Variants in LHFPL3 observed in about 807,000 individuals in gnomAD.
LHFPL3 encodes LHFPL tetraspan subfamily member 3, also known as LHFPL tetraspan subfamily member 3 protein.
LHFPL3 carries 5 observed loss-of-function variants against 19.3 expected under a neutral mutation model. The observed-to-expected ratio is 0.26, with a 90% confidence interval of 0.14 to 0.54. The LOEUF (loss-of-function observed/expected upper bound fraction) is 0.54. Among genes scored for constraint, LHFPL3 ranks in the 20% least tolerant of loss-of-function variants. The pLI, the probability that LHFPL3 is intolerant of heterozygous loss-of-function variation, is 0.94. For missense variants in LHFPL3, 249 were observed against 307.4 expected (o/e 0.81, Z 1.42); for synonymous variants, 133 against 126.2 (o/e 1.05, Z -0.36).
intron 2 of LHFPL3, among the ~76,000 whole-genome samples, chr7:104,765,726 C>G (rs568521982): frequency 6.6e-6 from 1 of 152,354 alleles, no homozygotes; most frequent in Non-Finnish European, 1.5e-5. Flanking sequence ...GACCTTGTAG[C>G]AGCAGAGCAG....
At chr7:104,518,263 CTT>C (rs1485119889) in intron 1 of LHFPL3, among the ~76,000 whole-genome samples, 1 of 152,008 alleles carries the variant, frequency 6.6e-6, no homozygotes, top group African/African-American at 2.4e-5. Flanking sequence ...AAATTTTAAA[CTT>C]TTTGCAGCCT....
intron 1 of LHFPL3, among the ~76,000 whole-genome samples, chr7:104,430,388 A>ATATACACATG (rs1791944737): frequency 8.0e-5 from 4 of 50,048 alleles, no homozygotes; most frequent in African/African-American, 2.1e-4. Flanking sequence ...ATATACATAT[A>ATATACACATG]TATATATATA....
At chr7:104,424,617 G>A (rs563401687) in intron 1 of LHFPL3, among the ~76,000 whole-genome samples, 1 of 152,296 alleles carries the variant, frequency 6.6e-6, no homozygotes, top group Non-Finnish European at 1.5e-5. Flanking sequence ...AACTGGTTGG[G>A]GGAAAGGCTA....
At chr7:104,737,894 C>T (rs568351479) in intron 2 of LHFPL3, among the ~76,000 whole-genome samples, 1 of 152,206 alleles carries the variant, frequency 6.6e-6, no homozygotes, top group East Asian at 1.9e-4. Flanking sequence ...ACTGCTTCAA[C>T]GGGACTCAAA....
At chr7:104,839,993 A>G (rs141861714) in intron 2 of LHFPL3, among the ~76,000 whole-genome samples, 119 of 151,748 alleles carry the variant, frequency 7.8e-4, no homozygotes, top group African/African-American at 2.7e-3. Flanking sequence ...GATAATTAAT[A>G]TTATTAATTG....
chr7:104,878,304 C>G (rs754739203), intron 2 of LHFPL3, among the ~76,000 whole-genome samples: 4 of 151,954 alleles, frequency 2.6e-5, no homozygotes, highest in Non-Finnish European at 5.9e-5. Context: ...TGTGGCAACC[C>G]TGTTTTGTGC....
intron 1 of LHFPL3, among the ~76,000 whole-genome samples, chr7:104,343,763 T>C (rs1288925427): frequency 6.6e-6 from 1 of 151,392 alleles, no homozygotes; most frequent in Admixed American, 6.6e-5. Flanking sequence ...TACAAAATCA[T>C]ACTAAAACAA....
intron 1 of LHFPL3, among the ~76,000 whole-genome samples, chr7:104,554,952 G>A (rs557881590): frequency 6.6e-6 from 1 of 152,302 alleles, no homozygotes; most frequent in East Asian, 1.9e-4. Context: ...GGCAAGAGAA[G>A]ATGGTGTCCC....
At chr7:104,590,083 T>C (rs141811353) in intron 1 of LHFPL3, among the ~76,000 whole-genome samples, 6,064 of 152,302 alleles carry the variant, frequency 0.04, 192 homozygotes, top group Admixed American at 0.072. Context: ...CATTGATTTT[T>C]TTGAAGGGTT....
At chr7:104,464,859 G>T (rs1298508154) in intron 1 of LHFPL3, among the ~76,000 whole-genome samples, 1 of 152,214 alleles carries the variant, frequency 6.6e-6, no homozygotes, top group African/African-American at 2.4e-5. Flanking sequence ...TTGTCTTGGT[G>T]ATTAACATTT....
At chr7:104,569,791 A>G (rs1339428170) in intron 1 of LHFPL3, among the ~76,000 whole-genome samples, 1 of 152,170 alleles carries the variant, frequency 6.6e-6, no homozygotes, top group Non-Finnish European at 1.5e-5. Context: ...GGGACTTAGT[A>G]ATGCTGAGTA....
At chr7:104,881,169 CAAAAAAAAAA>C (rs60361178) in intron 2 of LHFPL3, among the ~76,000 whole-genome samples, 3 of 91,528 alleles carry the variant, frequency 3.3e-5, no homozygotes, top group African/African-American at 1.2e-4. Flanking sequence ...GATTCCATCT[CAAAAAAAAAA>C]AAAAAAAAAA....
At chr7:104,335,866 A>AAG (rs940734058) in intron 1 of LHFPL3, among the ~76,000 whole-genome samples, 2 of 151,682 alleles carry the variant, frequency 1.3e-5, no homozygotes, top group African/African-American at 2.4e-5. Context: ...GAAAAAAAAA[A>AAG]AAAAAGAAAC....
intron 1 of LHFPL3, among the ~76,000 whole-genome samples, chr7:104,539,900 C>T (rs1483434590): frequency 6.6e-6 from 1 of 152,044 alleles, no homozygotes; most frequent in Non-Finnish European, 1.5e-5. Flanking sequence ...AAGTTGGGAA[C>T]CCTATATTGG....
At chr7:104,643,637 G>A (rs894591644) in intron 1 of LHFPL3, among the ~76,000 whole-genome samples, 1 of 152,152 alleles carries the variant, frequency 6.6e-6, no homozygotes, top group Non-Finnish European at 1.5e-5. Flanking sequence ...CACCCAAAGA[G>A]CCTGGACCCC....
At chr7:104,755,667 GTGTT>G (rs1794270358) in intron 2 of LHFPL3, among the ~76,000 whole-genome samples, 1 of 151,700 alleles carries the variant, frequency 6.6e-6, no homozygotes, top group Non-Finnish European at 1.5e-5. Context: ...TAGTTTTTTG[GTGTT>G]TGTTTGTTGT....
chr7:104,531,510 G>T (rs1279503002), intron 1 of LHFPL3, among the ~76,000 whole-genome samples: 1 of 151,954 alleles, frequency 6.6e-6, no homozygotes, highest in East Asian at 1.9e-4. Context: ...TGACTTTTAG[G>T]GATACTTCAA....
At chr7:104,587,243 G>A (rs532290881) in intron 1 of LHFPL3, among the ~76,000 whole-genome samples, 4 of 152,184 alleles carry the variant, frequency 2.6e-5, no homozygotes, top group Admixed American at 2.0e-4. Flanking sequence ...TACATTAGGT[G>A]TATCTCCTAA....
intron 2 of LHFPL3, among the ~76,000 whole-genome samples, chr7:104,828,937 G>T (rs1173134010): frequency 6.6e-6 from 1 of 151,830 alleles, no homozygotes; most frequent in Admixed American, 6.6e-5. Context: ...CGGGAGGCTG[G>T]GGTGGGAGAA....
Sources: gnomAD v4.1 joint callset for allele counts (sites outside exome capture counted in the v4.1 genomes callset) on GRCh38, gnomAD v4.1.1 for gene constraint, MANE v1.5 for transcripts, NCBI Gene and HGNC (gene_info 2026-07-23, HGNC 2026-07-21) for gene names.